The following COL28A1 variants were observed in gnomAD, a reference collection of about 807,000 sequenced individuals.
COL28A1 encodes collagen type XXVIII alpha 1 chain.
A neutral mutation model predicts 150.2 loss-of-function variants in COL28A1; 161 were observed. The observed-to-expected ratio is 1.07, with a 90% CI of 0.94 to 1.22. The LOEUF (loss-of-function observed/expected upper bound fraction) is 1.22. Among genes scored for constraint, COL28A1 ranks in the 50% most tolerant of loss-of-function variants. The probability of loss-of-function intolerance (pLI) is 0.00; values close to 1 mark genes in which losing one functional copy is unlikely to be tolerated. For missense variants in COL28A1, 1,617 were observed against 1,388.3 expected (o/e 1.16, Z -2.62); for synonymous variants, 552 against 469.7 (o/e 1.18, Z -2.26).
chr7:7,389,352 C>G (rs1342577270), intron 27 of COL28A1, among the ~76,000 whole-genome samples: 5 of 152,138 alleles, frequency 3.3e-5, no homozygotes, highest in Non-Finnish European at 5.9e-5. Flanking sequence ...TTCCACTGGT[C>G]AACATATCTG....
chr7:7,432,485 G>GTCTCCCAC lies in COL28A1; in HGVS notation c.1978_1985dup (p.Asp662GlufsTer25), dbSNP rs769875120. 5.6e-6 allele frequency: 9 copies of GTCTCCCAC among 1,613,908 alleles called. No individual in the cohort carries two copies. Among genetic ancestry groups the GTCTCCCAC allele is most frequent in the Middle Eastern group, 1.6e-4 (1 of 6,084 alleles). On this transcript the variant is annotated frameshift_variant, in exon 25 of 35. Coordinates refer to ENST00000399429, the MANE Select transcript of COL28A1 (RefSeq NM_001037763.3). LOFTEE classifies it high-confidence loss of function. Reference sequence around the variant, plus strand: ...TTTAAAGTCTTACCTTTGCTCCAGTGTCTCCCACTCCACGTAAACCCATCG... The same window carrying GTCTCCCAC: ...TTTAAAGTCTTACCTTTGCTCCAGTGTCTCCCACTCTCCCACTCCACGTAAACCCATCG...
intron 27 of COL28A1, among the ~76,000 whole-genome samples, chr7:7,383,611 G>T (rs916547409): frequency 6.8e-5 from 10 of 146,580 alleles, no homozygotes; most frequent in Non-Finnish European, 1.2e-4. Context: ...TCCAATAAAT[G>T]ATATATTTAT....
intron 14 of COL28A1, among the ~76,000 whole-genome samples, chr7:7,476,029 A>C (rs1218182608): frequency 6.6e-6 from 1 of 152,232 alleles, no homozygotes; most frequent in Non-Finnish European, 1.5e-5. Flanking sequence ...GGATTCTCAT[A>C]GATAATTGAA....
intron 31 of COL28A1, among the ~76,000 whole-genome samples, chr7:7,374,254 A>C (rs1456629535): frequency 6.6e-6 from 1 of 152,080 alleles, no homozygotes; most frequent in Non-Finnish European, 1.5e-5. Context: ...ATTTAATCTG[A>C]ATCTGAAAGC....
chr7:7,483,271 A>G (rs1399337372), intron 13 of COL28A1, among the ~76,000 whole-genome samples: 1 of 152,238 alleles, frequency 6.6e-6, no homozygotes, highest in Non-Finnish European at 1.5e-5. Context: ...CCAACACTAA[A>G]TGCATTTTCA....
Position 7,419,968 on chromosome 7 carries a change from C to G in COL28A1, c.1999-15G>C. ...CCAGGCTCTCCCTGAAAAGACACAACAAATAACAAGTTACTAATTTTTTAA... is the reference window on the plus strand; with the variant it reads ...CCAGGCTCTCCCTGAAAAGACACAAGAAATAACAAGTTACTAATTTTTTAA... On this transcript the variant is annotated splice_polypyrimidine_tract_variant and intron_variant, in intron 25 of 34. Transcript: ENST00000399429. 1 of 1,555,322 alleles carries G rather than the reference C, an allele frequency of 6.4e-7. No individual in the cohort carries two copies. Among genetic ancestry groups the G allele is most frequent in the Non-Finnish European group, 8.7e-7 (1 of 1,152,960 alleles).
At chr7:7,444,313 G>T in intron 19 of COL28A1, 105 bp downstream of exon 19, 3 of 1,496,104 alleles carry the variant, frequency 2.0e-6, no homozygotes, top group South Asian at 1.3e-5. Context: ...TTTTCTTAAA[G>T]AAACTAAGTT....
rs778632121 is a variant in COL28A1, at chr7:7,381,568, C to T, written c.2181G>A (p.Met727Ile). 6 of 1,613,858 alleles carry T rather than the reference C, an allele frequency of 3.7e-6. No individual in the cohort carries two copies. Among genetic ancestry groups the T allele is most frequent in the Admixed American group, 3.3e-5 (2 of 60,016 alleles). The stretch of plus-strand genomic sequence containing the variant: ...CCTTCTGGCCTGGGAGGCCATGGCC[C>T]ATTGTGCCCTTTGGGCCTGGGAAGC... The part of the protein sequence containing the change: ...PQGFPGPKGT[M>I]GHGLPGQKGE... The change falls in exon 28 of 35, where the codon ATG becomes ATA. Residue 727 changes from methionine (M) to isoleucine (I), a missense_variant. Met to Ile is a conservative substitution (Grantham distance 10). Coordinates refer to ENST00000399429, the MANE Select transcript of COL28A1 (RefSeq NM_001037763.3).
At position 7,446,609 on chromosome 7, in the gene COL28A1, A is replaced by T. The variant is rs1786280413; in HGVS notation, c.1510-2120T>A. On this transcript the variant is annotated intron_variant, in intron 18 of 34. Transcript: ENST00000399429. ...GAGGGACGTCTACCTAATTTATTTTATGAGGCTTATAAAGCCTTTTCAAAA... is the reference window on the plus strand; with the variant it reads ...GAGGGACGTCTACCTAATTTATTTTTTGAGGCTTATAAAGCCTTTTCAAAA... Among the ~76,000 whole-genome samples, 3 of 152,262 alleles carry T rather than the reference A, an allele frequency of 2.0e-5. 1 individual carries two copies. In the South Asian group the frequency reaches 6.2e-4, roughly 31 times the overall value.
In COL28A1 at chr7:7,507,111, C is replaced by A. The variant is rs750156402; in HGVS notation, c.972+6G>T. 1.7e-6 allele frequency: 2 copies of A among 1,201,684 alleles called. No individual in the cohort carries two copies. The highest frequency in any genetic ancestry group is 2.5e-6 in the Non-Finnish European group (2 of 804,712). The allele number at this position is 1,201,684 out of a possible 1,614,324, so 74.4% of individuals were successfully genotyped here. Reference sequence around the variant, plus strand: ...TCAAACTTAGATTTGGTTTTAACCCCCTTACCTGAATTCCTCTGGGTCCCT... The same window carrying A: ...TCAAACTTAGATTTGGTTTTAACCCACTTACCTGAATTCCTCTGGGTCCCT... On this transcript the variant is annotated splice_donor_region_variant and intron_variant, in intron 10 of 34. Transcript: ENST00000399429.
At chr7:7,501,432 A>C (rs1334081705) in intron 11 of COL28A1, among the ~76,000 whole-genome samples, 1 of 152,156 alleles carries the variant, frequency 6.6e-6, no homozygotes, top group Non-Finnish European at 1.5e-5. Context: ...TGCTTCCTGC[A>C]CACGCCACTG....
chr7:7,346,600 T>C, the COL28A1 span, among the ~76,000 whole-genome samples: 1 of 152,084 alleles, frequency 6.6e-6, no homozygotes, highest in African/African-American at 2.4e-5. Flanking sequence ...TTCATGTCTA[T>C]TTTATATTAT....
intron 25 of COL28A1, among the ~76,000 whole-genome samples, chr7:7,425,148 C>G (rs1784589105): frequency 6.6e-6 from 1 of 152,060 alleles, no homozygotes; most frequent in Non-Finnish European, 1.5e-5. Flanking sequence ...CTTACCTGAT[C>G]TTATCAACAT....
Position 7,360,405 on chromosome 7 carries a change from C to T in COL28A1, c.3190G>A (p.Val1064Met), listed in dbSNP as rs750285702. The T allele has an allele frequency of 1.3e-5, 20 of 1,587,848 alleles. No individual in the cohort carries two copies. The highest frequency in any genetic ancestry group is 1.6e-5 in the Non-Finnish European group (19 of 1,172,090). Reference protein sequence around the residue: ...TTPRPLLSTPVDGAEDPRCLE... With the variant: ...TTPRPLLSTPMDGAEDPRCLE... The stretch of plus-strand genomic sequence containing the variant: ...GTTTACCTACCCTCTGCCCCATCCA[C>T]AGGGGTGCTGAGCAGTGGCCTGGGG... The change falls in exon 34 of 35, where the codon GTG (valine) becomes ATG (methionine). Residue 1064 changes from valine to methionine, a missense_variant. Transcript: ENST00000399429.
chr7:7,389,113 G>GT (rs574896876), intron 27 of COL28A1, among the ~76,000 whole-genome samples: 85 of 151,120 alleles, frequency 5.6e-4, no homozygotes, highest in East Asian at 4.3e-3. Context: ...TTCTTCTAGG[G>GT]TTTTTTTTTA....
At chr7:7,376,111 G>T (rs1018640802) in intron 30 of COL28A1, among the ~76,000 whole-genome samples, 19 of 152,078 alleles carry the variant, frequency 1.2e-4, no homozygotes, top group Admixed American at 2.0e-4. Context: ...CATCAGAAGG[G>T]CCTGAAATGA....
intron 13 of COL28A1, among the ~76,000 whole-genome samples, chr7:7,479,196 T>A (rs1462549597): frequency 6.6e-6 from 1 of 152,238 alleles, no homozygotes; most frequent in Non-Finnish European, 1.5e-5. Context: ...GAATGGCTAA[T>A]GACTGTGGCT....
intron 28 of COL28A1, 80 bp downstream of exon 28, chr7:7,381,464 T>C (rs767115711): frequency 3.2e-4 from 312 of 975,662 alleles, no homozygotes; most frequent in Non-Finnish European, 4.7e-4. Context: ...GTGACACATA[T>C]ATGAGAGTTC....
chr7:7,388,464 T>C (rs1782333404), intron 27 of COL28A1, among the ~76,000 whole-genome samples: 1 of 152,178 alleles, frequency 6.6e-6, no homozygotes, highest in Admixed American at 6.5e-5. Flanking sequence ...AGCGCCGCGA[T>C]AAACATGTGG....
Sources: allele counts gnomAD v4.1 joint callset (sites outside exome capture counted in the v4.1 genomes callset), GRCh38; gene constraint gnomAD v4.1.1; transcripts MANE v1.5; gene names NCBI Gene and HGNC (gene_info 2026-07-23, HGNC 2026-07-21).